PRR16: variants seen among roughly 807,000 people sequenced by gnomAD.
PRR16 encodes the protein protein Largen.
PRR16 carries 6 observed loss-of-function variants against 18.2 expected under a neutral mutation model. The observed-to-expected ratio is 0.33, with a 90% CI of 0.18 to 0.65. The LOEUF (loss-of-function observed/expected upper bound fraction) is 0.65, where lower values mean the gene tolerates loss of function less well. Ranked by LOEUF, PRR16 falls within the 30% of genes least tolerant of loss-of-function variation. The pLI, the probability that PRR16 is intolerant of heterozygous loss-of-function variation, is 0.74. For synonymous variants in PRR16, 151 were observed against 147.8 expected, an observed-to-expected ratio of 1.02 and a Z score of -0.16; for missense variants, 412 against 376.6, an observed-to-expected ratio of 1.09 and a Z score of -0.78.
intron 1 of PRR16, among the ~76,000 whole-genome samples, chr5:120,628,750 CATCT>C (rs1480214626): frequency 6.9e-6 from 1 of 144,858 alleles, no homozygotes; most frequent in East Asian, 2.0e-4. Context: ...ATCTATCTAT[CATCT>C]ATCTGTCTTT....
chr5:120,598,000 A>T (rs910627354), intron 1 of PRR16, among the ~76,000 whole-genome samples: 1 of 151,924 alleles, frequency 6.6e-6, no homozygotes, highest in Non-Finnish European at 1.5e-5. Flanking sequence ...GAGGTCTCCC[A>T]GTCATGAATA....
chr5:120,703,735 CTGTG>C, the PRR16 span, among the ~76,000 whole-genome samples: 963 of 152,212 alleles, frequency 6.3e-3, 18 homozygotes, highest in African/African-American at 0.022. Flanking sequence ...CTCTGGTTCT[CTGTG>C]TGAGAGTTTT....
At chr5:120,778,439 A>AAAT in the PRR16 span, among the ~76,000 whole-genome samples, 2 of 152,166 alleles carry the variant, frequency 1.3e-5, no homozygotes, top group African/African-American at 4.8e-5. Context: ...TTTAGAAGAA[A>AAAT]AATAAAATTT....
chr5:120,591,456 T>C (rs1050071897), intron 1 of PRR16, among the ~76,000 whole-genome samples: 5 of 152,002 alleles, frequency 3.3e-5, no homozygotes, highest in African/African-American at 1.2e-4. Flanking sequence ...TATAAAGGGA[T>C]ATAATCCTTA....
chr5:120,663,831 A>G (rs1756261167), intron 1 of PRR16, among the ~76,000 whole-genome samples: 1 of 152,198 alleles, frequency 6.6e-6, no homozygotes, highest in Non-Finnish European at 1.5e-5. Context: ...AACTTGTAAT[A>G]GAAAGTTCCT....
chr5:120,576,461 T>G (rs571183264), intron 1 of PRR16, among the ~76,000 whole-genome samples: 1 of 152,226 alleles, frequency 6.6e-6, no homozygotes, highest in Non-Finnish European at 1.5e-5. Flanking sequence ...AAAACTACAA[T>G]GAGACATTAC....
At chr5:120,701,056 A>G in the PRR16 span, among the ~76,000 whole-genome samples, 1 of 152,190 alleles carries the variant, frequency 6.6e-6, no homozygotes, top group Non-Finnish European at 1.5e-5. Flanking sequence ...CACATGTAGC[A>G]AGCTCCTGTG....
chr5:120,724,299 G>T, the PRR16 span, among the ~76,000 whole-genome samples: 1 of 152,036 alleles, frequency 6.6e-6, no homozygotes, highest in South Asian at 2.1e-4. Context: ...AGGACCTGCA[G>T]CCACAGACCA....
At chr5:120,708,584 A>G in the PRR16 span, among the ~76,000 whole-genome samples, 1 of 152,220 alleles carries the variant, frequency 6.6e-6, no homozygotes, top group Non-Finnish European at 1.5e-5. Context: ...GAGGAAATAA[A>G]AGGGAAAGTG....
At chr5:120,787,262 T>C in the PRR16 span, among the ~76,000 whole-genome samples, 2 of 152,168 alleles carry the variant, frequency 1.3e-5, no homozygotes, top group Non-Finnish European at 2.9e-5. Context: ...TAATGGAAGT[T>C]CATAAAATTA....
intron 1 of PRR16, among the ~76,000 whole-genome samples, chr5:120,570,451 G>A (rs935997762): frequency 1.3e-5 from 2 of 152,098 alleles, no homozygotes; most frequent in Admixed American, 6.6e-5. Flanking sequence ...TATAATGTAG[G>A]GACCTACGAA....
At chr5:120,514,936 C>T (rs1210369199) in intron 1 of PRR16, among the ~76,000 whole-genome samples, 1 of 152,188 alleles carries the variant, frequency 6.6e-6, no homozygotes, top group Non-Finnish European at 1.5e-5. Flanking sequence ...AAATCTGCTT[C>T]CACACTTTCA....
chr5:120,711,583 A>C, the PRR16 span, among the ~76,000 whole-genome samples: 1 of 152,182 alleles, frequency 6.6e-6, no homozygotes, highest in Non-Finnish European at 1.5e-5. Context: ...ATTACTCATA[A>C]AACTTAGATA....
chr5:120,649,338 A>G (rs1755698484), intron 1 of PRR16, among the ~76,000 whole-genome samples: 1 of 152,162 alleles, frequency 6.6e-6, no homozygotes, highest in Non-Finnish European at 1.5e-5. Flanking sequence ...TCAGATTTAT[A>G]GTGTATGACA....
the PRR16 span, among the ~76,000 whole-genome samples, chr5:120,709,524 T>C: frequency 2.6e-5 from 4 of 152,148 alleles, no homozygotes; most frequent in African/African-American, 9.7e-5. Flanking sequence ...TTTTTAAATA[T>C]ACAATGAATT....
intron 1 of PRR16, among the ~76,000 whole-genome samples, chr5:120,606,999 T>G (rs1277616209): frequency 6.6e-6 from 1 of 152,240 alleles, no homozygotes; most frequent in Non-Finnish European, 1.5e-5. Context: ...TCCAAATAAT[T>G]TCCAAAACAT....
At chr5:120,776,117 GTCTA>G in the PRR16 span, among the ~76,000 whole-genome samples, 2 of 152,108 alleles carry the variant, frequency 1.3e-5, no homozygotes, top group South Asian at 4.1e-4. Context: ...TCCCACTGGA[GTCTA>G]GGGGCTAACT....
chr5:120,517,759 T>C (rs1246521458), intron 1 of PRR16, among the ~76,000 whole-genome samples: 3 of 152,200 alleles, frequency 2.0e-5, no homozygotes, highest in African/African-American at 7.2e-5. Flanking sequence ...AGTAATTCTT[T>C]ACTCTGTTTC....
At chr5:120,748,081 C>G in the PRR16 span, among the ~76,000 whole-genome samples, 1 of 151,836 alleles carries the variant, frequency 6.6e-6, no homozygotes, top group Non-Finnish European at 1.5e-5. Context: ...TTTGGGAGTC[C>G]CTCTGACAAT....
Sources: gnomAD v4.1 joint callset for allele counts (sites outside exome capture counted in the v4.1 genomes callset) on GRCh38, gnomAD v4.1.1 for gene constraint, MANE v1.5 for transcripts, NCBI Gene and HGNC (gene_info 2026-07-23, HGNC 2026-07-21) for gene names.